COBL: variants seen among roughly 807,000 people sequenced by gnomAD.
COBL encodes protein cordon-bleu.
Under a neutral mutation model 98.8 loss-of-function variants are expected in COBL, and 51 were observed. That is an observed-to-expected ratio of 0.52 (90% CI 0.41 to 0.65). COBL has a LOEUF of 0.65. COBL is among the 30% of genes least tolerant of loss of function. COBL has a pLI of 0.00. For synonymous variants in COBL, 634 were observed against 651.7 expected, an observed-to-expected ratio of 0.97 and a Z score of 0.41; for missense variants, 1,617 against 1,617.5, an observed-to-expected ratio of 1.00 and a Z score of 0.01.
At position 51,193,721 on chromosome 7, in the gene COBL, A is replaced by C. The variant is rs533146200; in HGVS notation, c.246-132T>G. The C allele has an allele frequency of 2.3e-5, 17 of 755,166 alleles. No homozygotes were observed. The Admixed American group carries it at 2.4e-4, about 11-fold the overall frequency. The allele number at this position is 755,166 out of a possible 1,614,324, so 46.8% of individuals were successfully genotyped here. A position where few individuals can be genotyped will look rare whatever the true frequency, so the allele number is the denominator to read the frequency against. On this transcript the variant is annotated intron_variant, in intron 2 of 12. Transcript: ENST00000265136. ...AGATATGCTTATGAAAAAAGACAACAGAAGCTCATTAATTCCTTCTGCATG... is the reference window on the plus strand; with the variant it reads ...AGATATGCTTATGAAAAAAGACAACCGAAGCTCATTAATTCCTTCTGCATG...
intron 7 of COBL, among the ~76,000 whole-genome samples, chr7:51,055,974 T>G (rs1458164260): frequency 2.0e-5 from 3 of 152,192 alleles, no homozygotes; most frequent in Admixed American, 2.0e-4. Flanking sequence ...CAGATTCCAT[T>G]TCCCATCTCA....
chr7:51,040,771 T>C (rs11977863), intron 8 of COBL, among the ~76,000 whole-genome samples: 1,806 of 152,306 alleles, frequency 0.012, 30 homozygotes, highest in African/African-American at 0.041. Flanking sequence ...AAACACGCCA[T>C]ATTCCCTGTT....
At chr7:51,225,902 C>T (rs762735235) in intron 1 of COBL, among the ~76,000 whole-genome samples, 1 of 152,202 alleles carries the variant, frequency 6.6e-6, no homozygotes, top group African/African-American at 2.4e-5. Context: ...TAAAACCTAA[C>T]TCTATAGGTG....
chr7:51,288,669 G>A (rs1051456749), intron 1 of COBL, among the ~76,000 whole-genome samples: 3 of 151,932 alleles, frequency 2.0e-5, no homozygotes, highest in Admixed American at 6.6e-5. Flanking sequence ...CAGGAGAATC[G>A]CTTAAACCCA....
intron 7 of COBL, among the ~76,000 whole-genome samples, chr7:51,061,981 A>ACACACACACACACACACACT (rs1322943132): frequency 6.6e-6 from 1 of 150,506 alleles, no homozygotes; most frequent in African/African-American, 2.5e-5. Flanking sequence ...ACACACACAC[A>ACACACACACACACACACACT]CTCATAAATA....
In COBL at chr7:51,028,533, T is replaced by C; in HGVS notation, c.2563A>G (p.Thr855Ala). ...GTTCTTCTCTGAGGCTTGAGAAATG[T>C]GACTTCTGTGGTGTGAGCTGCTGGC... is the stretch of plus-strand genomic sequence containing the variant. ...RVPAAHTTEVTFLKPQRRTSS... is the reference protein window; with the variant it reads ...RVPAAHTTEVAFLKPQRRTSS... The change falls in exon 10 of 13, where the codon ACA becomes GCA. Residue 855 changes from threonine (T) to alanine (A), a missense_variant. Thr to Ala is a moderately conservative substitution (Grantham distance 58). Coordinates refer to ENST00000265136, the MANE Select transcript of COBL (RefSeq NM_015198.5). 1 of 1,614,268 alleles carries C rather than the reference T, an allele frequency of 6.2e-7. No homozygotes were observed. The highest frequency in any genetic ancestry group is 1.1e-5 in the South Asian group (1 of 91,090).
chr7:51,221,557 G>C (rs1793641089), intron 1 of COBL, among the ~76,000 whole-genome samples: 1 of 152,064 alleles, frequency 6.6e-6, no homozygotes, highest in African/African-American at 2.4e-5. Flanking sequence ...CTCAATACAG[G>C]CTTTTTAAAA....
intron 2 of COBL, among the ~76,000 whole-genome samples, chr7:51,199,903 A>G (rs1299683296): frequency 6.6e-6 from 1 of 152,214 alleles, no homozygotes; most frequent in Admixed American, 6.5e-5. Context: ...AGGGAAGTTG[A>G]CATAAAGTCC....
At chr7:51,109,345 A>G (rs1163627971) in intron 6 of COBL, among the ~76,000 whole-genome samples, 3 of 152,204 alleles carry the variant, frequency 2.0e-5, no homozygotes, top group African/African-American at 7.2e-5. Flanking sequence ...GTTCCTGTAG[A>G]CATTTCAGCT....
At chr7:51,247,151 G>A (rs538311842) in intron 1 of COBL, among the ~76,000 whole-genome samples, 5 of 152,350 alleles carry the variant, frequency 3.3e-5, no homozygotes, top group East Asian at 3.9e-4. Flanking sequence ...CATCTGCCAC[G>A]TTAAGTCACA....
chr7:51,065,341 G>T, intron 7 of COBL: 1 of 703,598 alleles, frequency 1.4e-6, no homozygotes, highest in Non-Finnish European at 2.6e-6. Flanking sequence ...ATTGTGTAGA[G>T]AACTGCGGCC....
At chr7:51,125,501 T>C (rs1348443000) in intron 6 of COBL, among the ~76,000 whole-genome samples, 1 of 152,218 alleles carries the variant, frequency 6.6e-6, no homozygotes, top group Non-Finnish European at 1.5e-5. Flanking sequence ...AGGCAGTAAT[T>C]ATGCTTGTAA....
chr7:51,231,927 C>A (rs1401443666), intron 1 of COBL, among the ~76,000 whole-genome samples: 7 of 152,246 alleles, frequency 4.6e-5, no homozygotes, highest in African/African-American at 1.7e-4. Flanking sequence ...GGGAGGGGAC[C>A]CAAGTCTAAC....
At chr7:51,165,292 G>A (rs549841146) in intron 5 of COBL, among the ~76,000 whole-genome samples, 19 of 151,776 alleles carry the variant, frequency 1.3e-4, no homozygotes, top group Non-Finnish European at 2.7e-4. Flanking sequence ...CCATGCCAAT[G>A]GAAACCAAAA....
At chr7:51,289,577 T>C (rs1480664163) in intron 1 of COBL, among the ~76,000 whole-genome samples, 2 of 152,194 alleles carry the variant, frequency 1.3e-5, no homozygotes, top group Admixed American at 1.3e-4. Flanking sequence ...CGTCCTAGAG[T>C]GCCACCTCTC....
chr7:51,224,927 C>T (rs1038215247), intron 1 of COBL, among the ~76,000 whole-genome samples: 1 of 152,096 alleles, frequency 6.6e-6, no homozygotes, highest in African/African-American at 2.4e-5. Flanking sequence ...GTGACCTGTG[C>T]GTGTGGGCGG....
chr7:51,089,165 C>T (rs771429828), intron 6 of COBL, among the ~76,000 whole-genome samples: 60 of 152,140 alleles, frequency 3.9e-4, no homozygotes, highest in Non-Finnish European at 3.2e-4. Flanking sequence ...GGGCCTCTTT[C>T]ACCCAGCAGT....
At chr7:51,181,724 CAGA>C (rs1788974796) in intron 5 of COBL, among the ~76,000 whole-genome samples, 1 of 152,180 alleles carries the variant, frequency 6.6e-6, no homozygotes, top group Non-Finnish European at 1.5e-5. Context: ...TTGCAATCCA[CAGA>C]GAGGACTCGA....
intron 1 of COBL, among the ~76,000 whole-genome samples, chr7:51,276,971 G>C (rs1799366937): frequency 6.6e-6 from 1 of 152,152 alleles, no homozygotes. Context: ...ATGCATCTGG[G>C]AGCAGCGAAC....
Sources: gnomAD v4.1 joint callset for allele counts (sites outside exome capture counted in the v4.1 genomes callset) on GRCh38, gnomAD v4.1.1 for gene constraint, MANE v1.5 for transcripts, NCBI Gene and HGNC (gene_info 2026-07-23, HGNC 2026-07-21) for gene names.